The following NOB1 variants were observed in gnomAD, a reference collection of about 807,000 sequenced individuals.
The protein encoded by NOB1 is RNA-binding protein NOB1.
A neutral mutation model predicts 44.8 loss-of-function variants in NOB1; 44 were observed. The observed-to-expected ratio is 0.98, with a 90% CI of 0.77 to 1.26. The LOEUF is 1.26. NOB1 is among the 50% of genes most tolerant of loss of function. NOB1 has a pLI of 0.00. For synonymous variants in NOB1, 238 were observed against 218.7 expected (o/e 1.09, Z -0.78); for missense variants, 560 against 544.8 (o/e 1.03, Z -0.28).
chr16:69,743,353 T>C (rs897254111), intron 8 of NOB1, among the ~76,000 whole-genome samples: 2 of 152,208 alleles, frequency 1.3e-5, no homozygotes, highest in East Asian at 3.8e-4. Context: ...TTTAGGTAAG[T>C]TCAACGAGAA....
intron 7 of NOB1, among the ~76,000 whole-genome samples, chr16:69,747,401 G>T (rs892012428): frequency 6.6e-6 from 1 of 152,026 alleles, no homozygotes; most frequent in Non-Finnish European, 1.5e-5. Context: ...ACAAAGAAGT[G>T]AATCAGCTTT....
At chr16:69,754,798 G>C in intron 1 of NOB1, 50 bp downstream of exon 1, 1 of 1,610,322 alleles carries the variant, frequency 6.2e-7, no homozygotes, top group South Asian at 1.1e-5. Context: ...CGCACTCCGG[G>C]AGGGGCGGCC....
rs777433343 is a variant in NOB1, at chr16:69,742,407, C to G, written c.1164G>C (p.Arg388=). ...ISSRSATLQV[R]DSTLGAGRRR... ...TCCGCCCAGCTCCCAAGGTGCTGTC[C>G]CGGACCTGCAGGGTAGCTGAGCGGC... is the stretch of plus-strand genomic sequence containing the variant. The change falls in exon 9 of 9, where the codon CGG becomes CGC. Residue 388 remains arginine, a synonymous_variant. Transcript: ENST00000268802. 2 of 1,614,222 alleles carry G rather than the reference C, an allele frequency of 1.2e-6. No individual in the cohort carries two copies. Among genetic ancestry groups the G allele is most frequent in the Non-Finnish European group, 1.7e-6 (2 of 1,180,028 alleles).
intron 2 of NOB1, among the ~76,000 whole-genome samples, chr16:69,754,370 G>A (rs968021030): frequency 6.6e-6 from 1 of 152,228 alleles, no homozygotes; most frequent in Non-Finnish European, 1.5e-5. Context: ...TTTTGCGGAT[G>A]AGGTAAACGA....
Position 69,754,870 on chromosome 16 carries a change from A to T in NOB1, c.41T>A (p.Phe14Tyr), listed in dbSNP as rs777010192. The change falls in exon 1 of 9, where the codon TTC (phenylalanine) becomes TAC (tyrosine). Residue 14 changes from phenylalanine to tyrosine, a missense_variant. Transcript: ENST00000268802. ...VEHVVADAGA[F>Y]LRHAALQDIG... is the part of the protein sequence containing the mutation. ...TACCTGCAGAGCCGCATGCCGCAGG[A>T]AAGCCCCAGCATCCGCCACAACGTG... 3 of 1,598,512 alleles carry T rather than the reference A, an allele frequency of 1.9e-6. No individual in the cohort carries two copies. The highest frequency in any genetic ancestry group is 1.7e-6 in the Non-Finnish European group (2 of 1,173,592).
chr16:69,751,959 C>G (rs1056224599), intron 3 of NOB1, among the ~76,000 whole-genome samples: 3 of 151,892 alleles, frequency 2.0e-5, no homozygotes, highest in Admixed American at 1.3e-4. Context: ...CAACTACTCT[C>G]GAGACTGAGG....
At chr16:69,745,182 G>C (rs2038420033) in intron 7 of NOB1, among the ~76,000 whole-genome samples, 165 bp from the exon 8 acceptor site, 1 of 152,220 alleles carries the variant, frequency 6.6e-6, no homozygotes, top group Non-Finnish European at 1.5e-5. Context: ...GCAAAGGGCT[G>C]CCGCATCCCT....
chr16:69,752,524 C>A (rs1374558827), intron 2 of NOB1, among the ~76,000 whole-genome samples, 153 bp from the exon 3 acceptor site: 1 of 152,232 alleles, frequency 6.6e-6, no homozygotes, highest in African/African-American at 2.4e-5. Flanking sequence ...AAAACCTTAA[C>A]ACTTTCATCC....
intron 6 of NOB1, 192 bp downstream of exon 6, chr16:69,748,726 T>C: frequency 1.7e-6 from 1 of 574,610 alleles, no homozygotes; most frequent in Admixed American, 3.4e-5. Context: ...TTTAATGTAC[T>C]ATACAAATGT....
In NOB1 at chr16:69,750,495, T is replaced by C. The variant is rs184628832; in HGVS notation, c.328-865A>G. 3.8e-3 allele frequency among the ~76,000 whole-genome samples: 580 copies of C among 151,936 alleles called. 4 individuals are homozygous for C. Among genetic ancestry groups the C allele is most frequent in the African/African-American group, 0.013 (538 of 41,420 alleles). ...TTTTAAAATTAGCCAGGCATGGTGG[T>C]GTACACCTACAGTCCCAGCTACTCG... On this transcript the variant is annotated intron_variant, in intron 3 of 8. Coordinates refer to ENST00000268802, the MANE Select transcript of NOB1 (RefSeq NM_014062.3).
chr16:69,748,676 A>AG (rs2038454408), intron 6 of NOB1: 1 of 533,262 alleles, frequency 1.9e-6, no homozygotes, highest in Non-Finnish European at 3.3e-6. Flanking sequence ...TATACTGAAA[A>AG]AAAAATCATA....
In NOB1 at chr16:69,744,931, C is replaced by T. The variant is rs2038416630; in HGVS notation, c.911G>A (p.Gly304Asp). 6.2e-7 allele frequency: 1 copy of T among 1,614,004 alleles called. No homozygotes were observed. Among genetic ancestry groups the T allele is most frequent in the African/African-American group, 1.3e-5 (1 of 74,936 alleles). The change falls in exon 8 of 9, where the codon GGC (glycine) becomes GAC (aspartate). Residue 304 changes from glycine to aspartate, a missense_variant. Physicochemically the swap from Gly to Asp is moderately conservative, Grantham distance 94. Coordinates refer to ENST00000268802, the MANE Select transcript of NOB1 (RefSeq NM_014062.3). ...GCGGGAGAAGTGCATGTGCAGGGTG[C>T]CGTCGTCGCTGACGGTCACGGACAC... ...KKVSVTVSDD[G>D]TLHMHFSRNP...
chr16:69,747,242 A>AAAC (rs2038440497), intron 7 of NOB1, among the ~76,000 whole-genome samples: 1 of 151,490 alleles, frequency 6.6e-6, no homozygotes, highest in Non-Finnish European at 1.5e-5. Context: ...AAAAAAAAAA[A>AAAC]AGATAAAAAG....
At chr16:69,748,883 G>GT (rs1335751573) in intron 6 of NOB1, 35 bp downstream of exon 6, 22 of 1,531,680 alleles carry the variant, frequency 1.4e-5, no homozygotes, top group Middle Eastern at 2.3e-4. Flanking sequence ...TGCCGATGAC[G>GT]TGTGTGACAC....
At chr16:69,753,520 G>A (rs1354390822) in intron 2 of NOB1, among the ~76,000 whole-genome samples, 1 of 152,182 alleles carries the variant, frequency 6.6e-6, no homozygotes, top group Non-Finnish European at 1.5e-5. Flanking sequence ...ACTAGGCACT[G>A]CATTAAAAGC....
At chr16:69,746,552 A>C (rs925081548) in intron 7 of NOB1, among the ~76,000 whole-genome samples, 11 of 152,224 alleles carry the variant, frequency 7.2e-5, no homozygotes, top group Non-Finnish European at 1.5e-4. Context: ...ATTGGATACC[A>C]CAGAGTCCTT....
Position 69,749,014 on chromosome 16 carries a change from G to A in NOB1, c.630C>T (p.Thr210=), listed in dbSNP as rs1489136163. 1.9e-6 allele frequency: 3 copies of A among 1,614,194 alleles called. No homozygotes were observed. The highest frequency in any genetic ancestry group is 1.7e-4 in the Middle Eastern group (1 of 6,060). The change falls in exon 6 of 9, where the codon ACC becomes ACT. Residue 210 remains threonine (T), a synonymous_variant. Coordinates refer to ENST00000268802, the MANE Select transcript of NOB1 (RefSeq NM_014062.3). ...DSDDDGGGWI[T]PSNIKQIQQE... ...GCTGGATCTGCTTGATGTTACTGGGGGTTATCCAGCCACCCCCGTCGTCAT... is the reference window on the plus strand; with the variant it reads ...GCTGGATCTGCTTGATGTTACTGGGAGTTATCCAGCCACCCCCGTCGTCAT...
intron 3 of NOB1, among the ~76,000 whole-genome samples, chr16:69,751,546 AT>A (rs1419956426): frequency 6.6e-6 from 1 of 152,130 alleles, no homozygotes; most frequent in African/African-American, 2.4e-5. Flanking sequence ...GCCAATTGCA[AT>A]GTATGAACCT....
chr16:69,742,662 G>A, intron 8 of NOB1, 61 bp from the exon 9 acceptor site: 3 of 1,564,056 alleles, frequency 1.9e-6, no homozygotes, highest in Non-Finnish European at 2.6e-6. Context: ...ACAAGGCCAT[G>A]GCTGGTAAGG....
Sources: gnomAD v4.1 joint callset for allele counts (sites outside exome capture counted in the v4.1 genomes callset) on GRCh38, gnomAD v4.1.1 for gene constraint, MANE v1.5 for transcripts, NCBI Gene and HGNC (gene_info 2026-07-23, HGNC 2026-07-21) for gene names.